The following SMYD3 variants were observed in gnomAD, a reference collection of about 807,000 sequenced individuals.
SMYD3 encodes histone-lysine N-methyltransferase SMYD3.
Under a neutral mutation model 57.7 loss-of-function variants are expected in SMYD3, and 36 were observed. The ratio of observed to expected loss-of-function variants is 0.62; its 90% CI spans 0.48 to 0.82. The LOEUF (loss-of-function observed/expected upper bound fraction) is 0.82, where lower values mean the gene tolerates loss of function less well. Among genes scored for constraint, SMYD3 ranks in the 40% least tolerant of loss-of-function variants. The pLI is 0.00. For missense variants in SMYD3, 515 were observed against 538.8 expected (o/e 0.96, Z 0.44); for synonymous variants, 211 against 195.0 (o/e 1.08, Z -0.68).
chr1:245,859,771 G>A (rs2051437468), intron 9 of SMYD3, among the ~76,000 whole-genome samples: 1 of 152,110 alleles, frequency 6.6e-6, no homozygotes, highest in Non-Finnish European at 1.5e-5. Flanking sequence ...AGGGTGAAAA[G>A]GTTTGAAGAT....
intron 5 of SMYD3, among the ~76,000 whole-genome samples, chr1:245,999,163 A>C (rs2058988366): frequency 6.6e-6 from 1 of 152,116 alleles, no homozygotes. Flanking sequence ...TTTTACCACC[A>C]AAAAAAACCC....
intron 5 of SMYD3, among the ~76,000 whole-genome samples, chr1:245,993,869 T>C (rs2058867342): frequency 6.6e-6 from 1 of 152,224 alleles, no homozygotes; most frequent in Non-Finnish European, 1.5e-5. Flanking sequence ...CACTGAACTA[T>C]ACACTTAAAT....
Position 246,457,269 on chromosome 1 carries a change from C to T in SMYD3, c.164+49785G>A, listed in dbSNP as rs1027162948. Among the ~76,000 whole-genome samples, 67 of 152,176 alleles carry T rather than the reference C, an allele frequency of 4.4e-4. 1 individual carries two copies. Among genetic ancestry groups the T allele is most frequent in the African/African-American group, 1.6e-3 (66 of 41,542 alleles). On this transcript the variant is annotated intron_variant, in intron 1 of 11. Coordinates refer to ENST00000490107, the MANE Select transcript of SMYD3 (RefSeq NM_001167740.2). ...AAATAATAAATCTTCTCCCTCATCACTCCTCTATTGGAAACTCTCAGGTGA... is the reference window on the plus strand; with the variant it reads ...AAATAATAAATCTTCTCCCTCATCATTCCTCTATTGGAAACTCTCAGGTGA...
chr1:246,274,103 A>G (rs2148554363), intron 5 of SMYD3, among the ~76,000 whole-genome samples: 1 of 152,330 alleles, frequency 6.6e-6, no homozygotes, highest in Middle Eastern at 3.4e-3. Flanking sequence ...TGCATGATAT[A>G]ATAATCCTGT....
intron 5 of SMYD3, among the ~76,000 whole-genome samples, chr1:246,049,861 A>G (rs891496251): frequency 1.3e-5 from 2 of 152,208 alleles, no homozygotes; most frequent in Non-Finnish European, 2.9e-5. Context: ...AACCCATCTC[A>G]ATGTTTCAGT....
intron 5 of SMYD3, among the ~76,000 whole-genome samples, chr1:246,196,178 A>G: frequency 6.6e-6 from 1 of 152,122 alleles, no homozygotes; most frequent in South Asian, 2.1e-4. Flanking sequence ...TTTGCCCAGA[A>G]TACATCTGAT....
At chr1:245,751,582 GAGAGAGAGAGAA>G (rs2045369117) in intron 11 of SMYD3, among the ~76,000 whole-genome samples, 2 of 57,110 alleles carry the variant, frequency 3.5e-5, no homozygotes, top group South Asian at 6.3e-4. Context: ...AAGAGAAAGA[GAGAGAGAGAGAA>G]AGAGAGAGAG....
chr1:246,322,764 G>A (rs2065270736), intron 5 of SMYD3, among the ~76,000 whole-genome samples: 1 of 152,104 alleles, frequency 6.6e-6, no homozygotes, highest in Non-Finnish European at 1.5e-5. Context: ...CAAGTAATTT[G>A]CTCTAGCCTC....
intron 1 of SMYD3, among the ~76,000 whole-genome samples, chr1:246,394,743 G>A (rs559706217): frequency 6.7e-6 from 1 of 149,666 alleles, no homozygotes; most frequent in Non-Finnish European, 1.5e-5. Flanking sequence ...TATGTGAGAG[G>A]CTCCCAAACT....
At chr1:245,764,221 C>T (rs949037871) in intron 10 of SMYD3, 72 bp from the exon 11 acceptor site, 13 of 1,005,354 alleles carry the variant, frequency 1.3e-5, no homozygotes, top group South Asian at 6.7e-5. Context: ...CAGGAGACTA[C>T]GAAAGTGGAA....
chr1:246,399,764 T>C (rs2066737770), intron 1 of SMYD3, among the ~76,000 whole-genome samples: 1 of 152,226 alleles, frequency 6.6e-6, no homozygotes. Context: ...AGCCATACCA[T>C]TTATGGATTT....
At chr1:245,751,975 T>G (rs1292365566) in intron 11 of SMYD3, among the ~76,000 whole-genome samples, 1 of 152,230 alleles carries the variant, frequency 6.6e-6, no homozygotes, top group African/African-American at 2.4e-5. Flanking sequence ...TTGATGGCAT[T>G]CATGGAGCAC....
intron 1 of SMYD3, among the ~76,000 whole-genome samples, chr1:246,392,312 G>A (rs955883543): frequency 1.1e-4 from 17 of 152,128 alleles, no homozygotes; most frequent in Non-Finnish European, 2.2e-4. Context: ...CAGGAAACAT[G>A]AAACGCATGA....
At chr1:246,296,839 T>C (rs943397253) in intron 5 of SMYD3, among the ~76,000 whole-genome samples, 4 of 152,194 alleles carry the variant, frequency 2.6e-5, no homozygotes, top group African/African-American at 9.7e-5. Context: ...TTATGTATTA[T>C]TGTACTATAC....
intron 5 of SMYD3, among the ~76,000 whole-genome samples, chr1:246,204,787 G>A (rs2062973328): frequency 6.6e-6 from 1 of 152,118 alleles, no homozygotes; most frequent in Non-Finnish European, 1.5e-5. Flanking sequence ...ATCATCAGAA[G>A]GTAAGAAAAA....
At chr1:246,368,639 G>A (rs1020124651) in intron 1 of SMYD3, among the ~76,000 whole-genome samples, 4 of 152,186 alleles carry the variant, frequency 2.6e-5, no homozygotes, top group African/African-American at 9.6e-5. Context: ...GTATGTCTAT[G>A]AGGTTGTGGC....
At chr1:245,777,866 C>G (rs2046669063) in intron 10 of SMYD3, among the ~76,000 whole-genome samples, 1 of 152,218 alleles carries the variant, frequency 6.6e-6, no homozygotes, top group Non-Finnish European at 1.5e-5. Flanking sequence ...TGCTCACCAA[C>G]TACTCTCAGA....
At chr1:246,383,477 G>A (rs1235445469) in intron 1 of SMYD3, among the ~76,000 whole-genome samples, 1 of 152,076 alleles carries the variant, frequency 6.6e-6, no homozygotes, top group Non-Finnish European at 1.5e-5. Flanking sequence ...TGCACTAAAG[G>A]TAGAAAAGCA....
At chr1:245,990,380 T>G (rs965074962) in intron 5 of SMYD3, among the ~76,000 whole-genome samples, 1 of 152,220 alleles carries the variant, frequency 6.6e-6, no homozygotes, top group African/African-American at 2.4e-5. Context: ...TGAGCCACCA[T>G]GCCTGGCCAG....
Sources: gnomAD v4.1 joint callset for allele counts (sites outside exome capture counted in the v4.1 genomes callset) on GRCh38, gnomAD v4.1.1 for gene constraint, MANE v1.5 for transcripts, NCBI Gene and HGNC (gene_info 2026-07-23, HGNC 2026-07-21) for gene names.